Variants in DNAJC9 observed in about 807,000 individuals in gnomAD.
DNAJC9 encodes the protein dnaJ homolog subfamily C member 9.
Under a neutral mutation model 32.4 loss-of-function variants are expected in DNAJC9, and 18 were observed. The observed-to-expected ratio is 0.56, with a 90% confidence interval of 0.38 to 0.82. DNAJC9 has a LOEUF of 0.82. Among genes scored for constraint, DNAJC9 ranks in the 40% least tolerant of loss-of-function variants. The pLI, the probability that DNAJC9 is intolerant of heterozygous loss-of-function variation, is 0.00. For synonymous variants in DNAJC9, 113 were observed against 122.1 expected, an observed-to-expected ratio of 0.93 and a Z score of 0.49; for missense variants, 310 against 321.8, an observed-to-expected ratio of 0.96 and a Z score of 0.28.
At chr10:73,243,661 G>T in intron 4 of DNAJC9, 142 bp from the exon 5 acceptor site, 1 of 1,205,094 alleles carries the variant, frequency 8.3e-7, no homozygotes, top group Non-Finnish European at 1.2e-6. Flanking sequence ...CCTACAATTG[G>T]TGTTAATAAT....
At chr10:73,245,821 C>T in intron 3 of DNAJC9, 101 bp downstream of exon 3, 9 of 1,444,400 alleles carry the variant, frequency 6.2e-6, no homozygotes, top group South Asian at 5.2e-5. Flanking sequence ...TAACCCTAGT[C>T]CTTATTTCTG....
At chr10:73,232,911 C>A in intron 2 of DNAJC9, 1 of 1,312,940 alleles carries the variant, frequency 7.6e-7, no homozygotes, top group African/African-American at 1.5e-5. Flanking sequence ...ATCTTTACTT[C>A]ATTGTGGGTT....
chr10:73,240,505 T>G (rs533933154), downstream of DNAJC9, among the ~76,000 whole-genome samples: 404 of 152,120 alleles, frequency 2.7e-3, 1 homozygote, highest in Middle Eastern at 6.8e-3. Flanking sequence ...GAGGTCAGCA[T>G]ATTGAGACCA....
At chr10:73,243,669 A>C (rs975767541) in intron 4 of DNAJC9, 150 bp from the exon 5 acceptor site, 1 of 1,197,112 alleles carries the variant, frequency 8.4e-7, no homozygotes, top group African/African-American at 1.5e-5. Flanking sequence ...TGGTGTTAAT[A>C]ATTGTAAAAC....
At chr10:73,238,296 G>A (rs527659515), downstream of DNAJC9, among the ~76,000 whole-genome samples, 38 of 152,300 alleles carry the variant, frequency 2.5e-4, no homozygotes, top group African/African-American at 3.8e-4. Context: ...GCAGTGAGCC[G>A]AGATCGTGCC....
intron 2 of DNAJC9, among the ~76,000 whole-genome samples, chr10:73,232,564 G>A (rs1452918351): frequency 6.6e-6 from 1 of 152,222 alleles, no homozygotes; most frequent in Non-Finnish European, 1.5e-5. Flanking sequence ...ACAAAAGAAT[G>A]CCTCAAACAG....
intron 2 of DNAJC9, 121 bp downstream of exon 2, chr10:73,246,566 CA>C: frequency 1.7e-6 from 2 of 1,190,160 alleles, no homozygotes; most frequent in East Asian, 4.7e-5. Context: ...ATTTCAAGGC[CA>C]AACTCAAAAT....
intron 3 of DNAJC9, among the ~76,000 whole-genome samples, chr10:73,244,894 C>A (rs923173038): frequency 2.0e-5 from 3 of 152,188 alleles, no homozygotes; most frequent in East Asian, 1.9e-4. Flanking sequence ...TATTCAAATT[C>A]TCTCTTTAAA....
At chr10:73,239,183 C>T (rs969343351), downstream of DNAJC9, 23 of 701,614 alleles carry the variant, frequency 3.3e-5, no homozygotes, top group Non-Finnish European at 5.3e-5. Context: ...ACTCAGCTGA[C>T]TTTTCCCTCA....
chr10:73,246,433 A>G (rs1486855029), intron 2 of DNAJC9, among the ~76,000 whole-genome samples: 1 of 152,184 alleles, frequency 6.6e-6, no homozygotes, highest in Admixed American at 6.5e-5. Flanking sequence ...CGGAATCAGG[A>G]CTTACATTTG....
chr10:73,235,642 T>C (rs1296174160), downstream of DNAJC9, among the ~76,000 whole-genome samples: 2 of 152,182 alleles, frequency 1.3e-5, no homozygotes, highest in Non-Finnish European at 1.5e-5. Context: ...CTTCTGGAAT[T>C]ACATCAAAAG....
chr10:73,246,624 G>T, intron 2 of DNAJC9, 64 bp downstream of exon 2: 1 of 1,551,030 alleles, frequency 6.4e-7, no homozygotes, highest in Non-Finnish European at 8.9e-7. Flanking sequence ...CTTAGAGGCA[G>T]TCAATAAAGG....
chr10:73,235,775 A>G (rs1193761305), downstream of DNAJC9, among the ~76,000 whole-genome samples: 2 of 152,150 alleles, frequency 1.3e-5, no homozygotes, highest in Non-Finnish European at 2.9e-5. Flanking sequence ...GGCTCAAGCA[A>G]TCCTGCCTTA....
rs576255681 is a variant in DNAJC9 at position 73,244,119 on chromosome 10, T to C, written c.577-190A>G. On this transcript the variant is annotated intron_variant, in intron 3 of 4. Coordinates refer to ENST00000372950, the MANE Select transcript of DNAJC9 (RefSeq NM_015190.5). ...TGACAGCAAGCAGTAGATCCTCTGA[T>C]TCCAATTACCATTTGTTTTTTACCC... is the stretch of plus-strand genomic sequence containing the variant. The C allele has an allele frequency of 3.8e-5, 22 of 576,518 alleles. 1 individual carries two copies. In the East Asian group the frequency reaches 6.1e-4, roughly 16 times the overall value. 35.7% of individuals were successfully genotyped at this position (576,518 alleles called of 1,614,324 possible). A position where few individuals can be genotyped will look rare whatever the true frequency, so the allele number is the denominator to read the frequency against.
chr10:73,233,009 C>A lies in DNAJC9; in HGVS notation n.147+10834G>T, dbSNP rs1233151424. ...CCTTTCAACTCGAAATTGGCCAAATCGAGCTGTGGAGTTTAGTACATCATC... is the reference window on the plus strand; with the variant it reads ...CCTTTCAACTCGAAATTGGCCAAATAGAGCTGTGGAGTTTAGTACATCATC... On this transcript the variant is annotated intron_variant and non_coding_transcript_variant, in intron 2 of 2. Coordinates refer to the DNAJC9 transcript ENST00000469143. The A allele has an allele frequency of 4.5e-6, 7 of 1,551,764 alleles. No homozygotes were observed. The Admixed American group carries it at 1.2e-4, about 26-fold the overall frequency.
At position 73,242,196 on chromosome 10, in the gene DNAJC9, C is replaced by T. The variant is rs555633400; in HGVS notation, c.*1204G>A. The T allele has an allele frequency of 6.6e-6, 1 of 152,102 alleles. No homozygotes were observed. Among genetic ancestry groups the T allele is most frequent in the South Asian group, 2.1e-4 (1 of 4,822 alleles). The allele number at this position is 152,102 out of a possible 1,614,324, so 9.4% of individuals were successfully genotyped here. The stretch of plus-strand genomic sequence containing the variant: ...TTTTTAACCTATTTGTAGTCACAAA[C>T]CGAAAACGTGTCGTCTTTACCTTAG... On this transcript the variant is annotated 3_prime_UTR_variant, in exon 5 of 5. Transcript: ENST00000372950.
At chr10:73,235,102 T>C, downstream of DNAJC9, 1 of 1,463,900 alleles carries the variant, frequency 6.8e-7, no homozygotes, top group Non-Finnish European at 9.3e-7. Context: ...TGGCCTGCAC[T>C]TACCATATCT....
chr10:73,235,157 T>C, downstream of DNAJC9: 15 of 1,548,820 alleles, frequency 9.7e-6, no homozygotes, highest in Non-Finnish European at 1.2e-5. Context: ...TTACAGATAG[T>C]TTTCACTGTT....
At chr10:73,237,253 A>G (rs570672506), downstream of DNAJC9, among the ~76,000 whole-genome samples, 17 of 152,208 alleles carry the variant, frequency 1.1e-4, no homozygotes, top group African/African-American at 3.6e-4. Flanking sequence ...TTAGGGAGAA[A>G]CTCACCAAAA....
Sources: allele counts gnomAD v4.1 joint callset (sites outside exome capture counted in the v4.1 genomes callset), GRCh38; gene constraint gnomAD v4.1.1; transcripts MANE v1.5; gene names NCBI Gene and HGNC (gene_info 2026-07-23, HGNC 2026-07-21).